Variants in KCNH1 observed in about 807,000 individuals in gnomAD.
KCNH1 encodes the protein potassium voltage-gated channel subfamily H member 1.
KCNH1 carries 27 observed loss-of-function variants against 69.2 expected under a neutral mutation model. The ratio of observed to expected loss-of-function variants is 0.39; its 90% CI spans 0.29 to 0.54. The LOEUF is 0.54. KCNH1 is among the 20% of genes least tolerant of loss of function. The probability of loss-of-function intolerance (pLI) is 0.68; values close to 1 mark genes in which losing one functional copy is unlikely to be tolerated. For missense variants in KCNH1, 798 were observed against 1,261.6 expected (o/e 0.63, Z 5.57); for synonymous variants, 456 against 487.7 (o/e 0.93, Z 0.86).
intron 3 of KCNH1, among the ~76,000 whole-genome samples, chr1:211,102,676 AG>A (rs967566866): frequency 1.3e-5 from 2 of 152,194 alleles, no homozygotes; most frequent in African/African-American, 4.8e-5. Flanking sequence ...TTTACTTTCC[AG>A]GGCAAAACAT....
At chr1:210,971,168 G>A (rs897064086) in intron 6 of KCNH1, among the ~76,000 whole-genome samples, 3 of 151,938 alleles carry the variant, frequency 2.0e-5, no homozygotes, top group Admixed American at 6.6e-5. Context: ...TTCCAGGCTG[G>A]TCTCAAACTC....
chr1:210,792,791 CT>C (rs1000052501), intron 9 of KCNH1, among the ~76,000 whole-genome samples: 18 of 151,820 alleles, frequency 1.2e-4, no homozygotes, highest in African/African-American at 4.4e-4. Flanking sequence ...TAAGGGGACA[CT>C]AAATCACAGT....
chr1:210,776,159 C>G (rs1288297275), intron 9 of KCNH1, among the ~76,000 whole-genome samples: 1 of 152,126 alleles, frequency 6.6e-6, no homozygotes, highest in Non-Finnish European at 1.5e-5. Context: ...AGAAGTCAGA[C>G]AAGTGCAGAG....
chr1:210,694,263 C>T (rs1681589020), intron 10 of KCNH1, among the ~76,000 whole-genome samples: 1 of 152,092 alleles, frequency 6.6e-6, no homozygotes, highest in South Asian at 2.1e-4. Context: ...AGGACACACA[C>T]ACACGCTCAG....
intron 10 of KCNH1, among the ~76,000 whole-genome samples, chr1:210,741,720 G>A (rs1240575616): frequency 2.0e-5 from 3 of 152,196 alleles, no homozygotes; most frequent in African/African-American, 2.4e-5. Flanking sequence ...CGAGCGTTCT[G>A]TGTACAAGAG....
In KCNH1 at chr1:210,683,101, G is replaced by A. The variant is rs752895120; in HGVS notation, c.*180C>T. 10 of 688,628 alleles carry A rather than the reference G, an allele frequency of 1.5e-5. No homozygotes were observed. The highest frequency in any genetic ancestry group is 1.0e-4 in the East Asian group (4 of 39,934). The allele number at this position is 688,628 out of a possible 1,614,324, so 42.7% of individuals were successfully genotyped here. A position where few individuals can be genotyped will look rare whatever the true frequency, so the allele number is the denominator to read the frequency against. On this transcript the variant is annotated 3_prime_UTR_variant, in exon 11 of 11. Transcript: ENST00000271751. This position sits in a 1 kb window ranked among gnomAD's most constrained non-coding sequence, Gnocchi z 5.7. ...CTGCCACCTTGCAGGGTAGGGGCAC[G>A]CTACCCTTCCCATATCTTTTTCCAG...
chr1:210,923,071 C>T (rs559364088), intron 6 of KCNH1, among the ~76,000 whole-genome samples: 30 of 152,264 alleles, frequency 2.0e-4, no homozygotes, highest in African/African-American at 5.8e-4. Flanking sequence ...GAGATTAAAA[C>T]GACAGTGTCT....
chr1:210,875,877 A>C (rs1424972692), intron 7 of KCNH1, among the ~76,000 whole-genome samples: 2 of 152,184 alleles, frequency 1.3e-5, no homozygotes, highest in Non-Finnish European at 2.9e-5. Flanking sequence ...TAAGAAAAAA[A>C]CAGACCATTC....
intron 10 of KCNH1, among the ~76,000 whole-genome samples, chr1:210,747,633 T>C (rs929297146): frequency 9.2e-6 from 1 of 108,584 alleles, no homozygotes; most frequent in African/African-American, 3.3e-5. Flanking sequence ...TTCCTTTATC[T>C]TTCACATGCA....
At chr1:211,053,863 C>T (rs1021933132) in intron 5 of KCNH1, among the ~76,000 whole-genome samples, 1 of 152,024 alleles carries the variant, frequency 6.6e-6, no homozygotes, top group Admixed American at 6.6e-5. Context: ...TTAAGGTGTG[C>T]CTAAATTCTG....
intron 7 of KCNH1, chr1:210,860,672 C>T (rs1558500950): frequency 5.1e-6 from 4 of 776,830 alleles, no homozygotes; most frequent in Non-Finnish European, 7.1e-6. Context: ...CTGATAAATG[C>T]TGTGATACAT....
At chr1:211,027,180 T>C (rs910729518) in intron 5 of KCNH1, among the ~76,000 whole-genome samples, 2 of 152,164 alleles carry the variant, frequency 1.3e-5, no homozygotes, top group Non-Finnish European at 2.9e-5. Context: ...ATAAAAGTGC[T>C]TTAACAAGTA....
Position 211,112,366 on chromosome 1 carries a change from G to A in KCNH1, c.80-4989C>T, listed in dbSNP as rs1012141117. Reference sequence around the variant, plus strand: ...AGTGCCTCTGCTTGGCCGCCCCACCGTCTGGGAAGCAAGGAGCTCCTCTGC... The same window carrying A: ...AGTGCCTCTGCTTGGCCGCCCCACCATCTGGGAAGCAAGGAGCTCCTCTGC... On this transcript the variant is annotated intron_variant, in intron 1 of 10. Coordinates refer to ENST00000271751, the MANE Select transcript of KCNH1 (RefSeq NM_172362.3). Among the ~76,000 whole-genome samples the A allele has an allele frequency of 7.3e-4, 101 of 138,464 alleles. 6 individuals carry two copies. Among genetic ancestry groups the A allele is most frequent in the Non-Finnish European group, 2.0e-4 (13 of 65,484 alleles). 90.8% of individuals were successfully genotyped at this position (138,464 alleles called of 152,430 possible).
chr1:211,026,330 T>C (rs1689682420), intron 5 of KCNH1, among the ~76,000 whole-genome samples: 1 of 147,614 alleles, frequency 6.8e-6, no homozygotes. Context: ...TGTTCCTGAC[T>C]TGGAGCTGAA....
chr1:210,932,282 A>C (rs2102577193), intron 6 of KCNH1, among the ~76,000 whole-genome samples: 1 of 152,324 alleles, frequency 6.6e-6, no homozygotes, highest in East Asian at 1.9e-4. Flanking sequence ...AATGCTTAAC[A>C]GAGTCCAATA....
rs1002855721 is a variant in KCNH1 at position 210,756,279 on chromosome 1, T to C, written c.2112+19069A>G. ...ATCTTCTGACAGAGTTAGGATGCAG[T>C]ATCACTTTACCAATAGGGGGTGTCC... On this transcript the variant is annotated intron_variant, in intron 10 of 10. Coordinates refer to ENST00000271751, the MANE Select transcript of KCNH1 (RefSeq NM_172362.3). Among the ~76,000 whole-genome samples, 4 of 152,248 alleles carry C rather than the reference T, an allele frequency of 2.6e-5. 1 individual carries two copies. The South Asian group carries it at 6.2e-4, about 24-fold the overall frequency.
At chr1:210,883,571 G>A (rs572645433) in intron 7 of KCNH1, among the ~76,000 whole-genome samples, 1 of 152,380 alleles carries the variant, frequency 6.6e-6, no homozygotes, top group East Asian at 1.9e-4. Context: ...TACTAGCTAT[G>A]TGACCTTGAG....
At chr1:210,922,648 C>T (rs1230613055) in intron 6 of KCNH1, among the ~76,000 whole-genome samples, 1 of 151,990 alleles carries the variant, frequency 6.6e-6, no homozygotes, top group African/African-American at 2.4e-5. Context: ...TCTCAAAAAC[C>T]CACTATGTAA....
chr1:210,761,676 C>T (rs1024909363), intron 10 of KCNH1, among the ~76,000 whole-genome samples: 12 of 152,102 alleles, frequency 7.9e-5, no homozygotes, highest in Admixed American at 7.2e-4. Flanking sequence ...TAAAGGTGTT[C>T]AAATCAACAA....
Sources: allele counts gnomAD v4.1 joint callset (sites outside exome capture counted in the v4.1 genomes callset), GRCh38; gene constraint gnomAD v4.1.1; non-coding constraint Gnocchi (gnomAD v3.1); transcripts MANE v1.5; gene names NCBI Gene and HGNC (gene_info 2026-07-23, HGNC 2026-07-21).